Variants in GPATCH1 observed in about 807,000 individuals in gnomAD.
GPATCH1 encodes the protein G-patch domain containing 1.
In GPATCH1, 73 loss-of-function variants were observed where a neutral mutation model predicts 114.9. That is an observed-to-expected ratio of 0.64 (90% confidence interval 0.53 to 0.77). The LOEUF (loss-of-function observed/expected upper bound fraction) is 0.77. GPATCH1 is among the 30% of genes least tolerant of loss of function. The pLI is 0.00. For missense variants in GPATCH1, 1,058 were observed against 1,144.3 expected (o/e 0.92, Z 1.09); for synonymous variants, 391 against 428.4 (o/e 0.91, Z 1.08).
chr19:33,119,974 TTA>T (rs1972959286), intron 17 of GPATCH1, among the ~76,000 whole-genome samples: 1 of 144,014 alleles, frequency 6.9e-6, no homozygotes, highest in Admixed American at 7.0e-5. Context: ...TTTTACAAAT[TTA>T]TATATTTTAT....
chr19:33,081,387 G>A (rs1972474516), intron 1 of GPATCH1, 121 bp downstream of exon 1: 1 of 837,638 alleles, frequency 1.2e-6, no homozygotes, highest in Non-Finnish European at 1.9e-6. Context: ...TGGGAACACG[G>A]CGACGAGGGA....
At chr19:33,104,913 A>G (rs913104164) in intron 9 of GPATCH1, among the ~76,000 whole-genome samples, 3 of 152,210 alleles carry the variant, frequency 2.0e-5, no homozygotes, top group African/African-American at 7.2e-5. Flanking sequence ...AAGGGAGACC[A>G]TTTAATGCAG....
intron 8 of GPATCH1, among the ~76,000 whole-genome samples, chr19:33,100,972 T>C (rs1972719860): frequency 6.6e-6 from 1 of 152,160 alleles, no homozygotes; most frequent in Non-Finnish European, 1.5e-5. Flanking sequence ...CAGTTTCCTA[T>C]GTCTGTGATC....
chr19:33,095,618 T>C, intron 5 of GPATCH1, 144 bp from the exon 6 acceptor site: 1 of 663,738 alleles, frequency 1.5e-6, no homozygotes, highest in Non-Finnish European at 2.7e-6. Flanking sequence ...CCCAGGCTGG[T>C]CTTGAACTCC....
Position 33,081,184 on chromosome 19 carries a change from G to A in GPATCH1, c.-10G>A. On this transcript the variant is annotated 5_prime_UTR_variant, in exon 1 of 20. Coordinates refer to ENST00000170564, the MANE Select transcript of GPATCH1 (RefSeq NM_018025.3). ...CGCCGTAGCGAGGGGGCGGGGCCCGGAAGAGCAGGATGGCGGCGCGGGACA... is the reference window on the plus strand; with the variant it reads ...CGCCGTAGCGAGGGGGCGGGGCCCGAAAGAGCAGGATGGCGGCGCGGGACA... 2 of 1,551,014 alleles carry A rather than the reference G, an allele frequency of 1.3e-6. No homozygotes were observed. The highest frequency in any genetic ancestry group is 1.8e-4 in the Middle Eastern group (1 of 5,664).
rs144518685 is a variant in GPATCH1 at position 33,113,892 on chromosome 19, G to A, written c.2018G>A (p.Arg673Gln). 42 of 1,613,932 alleles carry A rather than the reference G, an allele frequency of 2.6e-5. No individual in the cohort carries two copies. In the African/African-American group the frequency reaches 2.9e-4, roughly 11 times the overall value. The change falls in exon 14 of 20, where the codon CGA becomes CAA. Residue 673 changes from arginine (R) to glutamine (Q), a missense_variant. Physicochemically the swap from Arg to Gln is conservative, Grantham distance 43. Transcript: ENST00000170564. The part of the protein sequence containing the change: ...QASSEKVSQH[R>Q]GPDKSRKPSR... ...TCAAGTGAAAAAGTATCACAGCACC[G>A]AGGTCCCGACAGTGAGTAGGGCGTC...
At chr19:33,086,352 G>A (rs147768398) in intron 1 of GPATCH1, among the ~76,000 whole-genome samples, 6 of 152,256 alleles carry the variant, frequency 3.9e-5, no homozygotes, top group South Asian at 2.1e-4. Flanking sequence ...AGCTGTTTAC[G>A]TATGATATTT....
intron 2 of GPATCH1, among the ~76,000 whole-genome samples, chr19:33,088,750 G>A (rs1046321001): frequency 4.9e-5 from 7 of 142,712 alleles, no homozygotes; most frequent in East Asian, 2.2e-4. Context: ...TCCGCCTCCC[G>A]GGTTCAAGCG....
intron 9 of GPATCH1, among the ~76,000 whole-genome samples, chr19:33,102,614 C>T (rs1972740307): frequency 1.3e-5 from 2 of 151,950 alleles, no homozygotes; most frequent in Non-Finnish European, 2.9e-5. Context: ...TCAGGCTGGT[C>T]TTGAACTCCT....
chr19:33,083,965 A>G lies in GPATCH1; in HGVS notation c.73+2699A>G, dbSNP rs560930332. ...GCTGGGATTATAGGTGCCCACCACC[A>G]TGCCCGGCTAATTTTTATATTTTTA... On this transcript the variant is annotated intron_variant, in intron 1 of 19. Coordinates refer to ENST00000170564, the MANE Select transcript of GPATCH1 (RefSeq NM_018025.3). Among the ~76,000 whole-genome samples the G allele has an allele frequency of 8.2e-3, 1,252 of 152,102 alleles. 6 individuals carry two copies. Among genetic ancestry groups the G allele is most frequent in the Non-Finnish European group, 0.014 (976 of 67,996 alleles).
At position 33,119,009 on chromosome 19, in the gene GPATCH1, G is replaced by A; in HGVS notation, c.2414-1G>A. 1 of 1,596,286 alleles carries A rather than the reference G, an allele frequency of 6.3e-7. No homozygotes were observed. ...GACATGAACACCCCGCTGTTTTTCA[G>A]CTCTTGTGCCAGCACCCCAGGAGCC... On this transcript the variant is annotated splice_acceptor_variant, in intron 16 of 19. Coordinates refer to ENST00000170564, the MANE Select transcript of GPATCH1 (RefSeq NM_018025.3). LOFTEE classifies it high-confidence loss of function.
intron 11 of GPATCH1, among the ~76,000 whole-genome samples, chr19:33,111,385 GAAAAA>G (rs10709432): frequency 2.3e-5 from 2 of 88,144 alleles, no homozygotes; most frequent in African/African-American, 8.5e-5. Flanking sequence ...CTCCATCTCA[GAAAAA>G]AAAAAAAAAA....
intron 16 of GPATCH1, 31 bp from the exon 17 acceptor site, chr19:33,118,979 C>G (rs1042080515): frequency 1.5e-6 from 2 of 1,340,662 alleles, no homozygotes; most frequent in Non-Finnish European, 2.1e-6. Flanking sequence ...ATGGGGCAGA[C>G]GAATGACATG....
chr19:33,106,880 T>C lies in GPATCH1; in HGVS notation c.1266T>C (p.Leu422=), dbSNP rs925508862. 6.2e-7 allele frequency: 1 copy of C among 1,613,548 alleles called. No individual in the cohort carries two copies. Among genetic ancestry groups the C allele is most frequent in the Non-Finnish European group, 8.5e-7 (1 of 1,179,660 alleles). Residue 422 remains leucine, a synonymous_variant, in exon 10 of 20, where the codon CTT becomes CTC. Coordinates refer to ENST00000170564, the MANE Select transcript of GPATCH1 (RefSeq NM_018025.3). ...QLNASKRAEL[L]GETPIQGSAT... The stretch of plus-strand genomic sequence containing the variant: ...ATGCCTCCAAACGGGCTGAGTTGCT[T>C]GGAGAGACGCCTATTCAAGGTATGT...
intron 17 of GPATCH1, among the ~76,000 whole-genome samples, chr19:33,120,068 TA>T (rs1972961941): frequency 7.4e-6 from 1 of 134,276 alleles, no homozygotes; most frequent in African/African-American, 2.7e-5. Context: ...CTTATATATA[TA>T]TAAAATATAA....
chr19:33,111,894 GACCAAGA>G lies in GPATCH1; in HGVS notation c.1757_1763del (p.Asp586GlyfsTer11). On this transcript the variant is annotated frameshift_variant and splice_region_variant, in exon 12 of 20. Coordinates refer to ENST00000170564, the MANE Select transcript of GPATCH1 (RefSeq NM_018025.3). LOFTEE classifies it high-confidence loss of function. ...CTCAGATCAGGTTGAAGTCCCTCGAGACCAAGAGGTCTGTTGTCACCATGTCCCTTAC... is the reference window on the plus strand; with the variant it reads ...CTCAGATCAGGTTGAAGTCCCTCGAGGGTCTGTTGTCACCATGTCCCTTAC... The G allele has an allele frequency of 6.2e-7, 1 of 1,612,968 alleles. No individual in the cohort carries two copies. The highest frequency in any genetic ancestry group is 8.5e-7 in the Non-Finnish European group (1 of 1,178,934).
At chr19:33,090,396 G>A (rs1338278574) in intron 2 of GPATCH1, among the ~76,000 whole-genome samples, 4 of 152,228 alleles carry the variant, frequency 2.6e-5, no homozygotes, top group Middle Eastern at 3.4e-3. Context: ...GCCTAGAAGC[G>A]ATGACATCAT....
chr19:33,102,027 C>CAAAAAAAAA (rs563794335), intron 9 of GPATCH1, among the ~76,000 whole-genome samples: 1 of 92,280 alleles, frequency 1.1e-5, no homozygotes, highest in African/African-American at 4.1e-5. Flanking sequence ...AACTCTGTCT[C>CAAAAAAAAA]AAAAAAAAAA....
intron 1 of GPATCH1, among the ~76,000 whole-genome samples, chr19:33,081,541 G>T (rs1317543323): frequency 6.6e-6 from 1 of 152,152 alleles, no homozygotes; most frequent in Admixed American, 6.6e-5. Flanking sequence ...AGAGCGGGGG[G>T]TGCTCAGGCA....
Sources: allele counts gnomAD v4.1 joint callset (sites outside exome capture counted in the v4.1 genomes callset), GRCh38; gene constraint gnomAD v4.1.1; transcripts MANE v1.5; gene names NCBI Gene and HGNC (gene_info 2026-07-23, HGNC 2026-07-21).